Variants in WFDC1 observed in about 807,000 individuals in gnomAD.
WFDC1 encodes the protein WAP four-disulfide core domain protein 1.
WFDC1 carries 39 observed loss-of-function variants against 32.9 expected under a neutral mutation model. That is an observed-to-expected ratio of 1.19 (90% CI 0.92 to 1.55). WFDC1 has a LOEUF of 1.55. Ranked by LOEUF, WFDC1 falls within the 40% of genes most tolerant of loss-of-function variation. The probability of loss-of-function intolerance (pLI) is 0.00; values close to 1 mark genes in which losing one functional copy is unlikely to be tolerated. For missense variants in WFDC1, 386 were observed against 309.5 expected (o/e 1.25, Z -1.85); for synonymous variants, 184 against 137.4 (o/e 1.34, Z -2.37).
At chr16:84,319,608 C>A in intron 4 of WFDC1, 37 bp downstream of exon 4, 2 of 1,603,006 alleles carry the variant, frequency 1.2e-6, no homozygotes, top group Non-Finnish European at 1.7e-6. Context: ...CTGGCTCCTG[C>A]CCCAGTCCCC....
chr16:84,328,200 A>T (rs1030340991), intron 6 of WFDC1: 3 of 152,768 alleles, frequency 2.0e-5, no homozygotes, highest in African/African-American at 7.2e-5. Context: ...TTGGGGAGCC[A>T]AAGAAGGCCC....
chr16:84,296,115 G>A lies in WFDC1; in HGVS notation c.144+1000G>A, dbSNP rs566889892. Among the ~76,000 whole-genome samples the A allele has an allele frequency of 7.9e-5, 12 of 152,310 alleles. No individual in the cohort carries two copies. The South Asian group carries it at 2.5e-3, about 32-fold the overall frequency. On this transcript the variant is annotated intron_variant, in intron 1 of 6. Transcript: ENST00000219454. The stretch of plus-strand genomic sequence containing the variant: ...CCCCCAGAGATCACAGATCCGCAGG[G>A]ACGGAGTGAGCCAGGACGATATCAG...
intron 1 of WFDC1, among the ~76,000 whole-genome samples, chr16:84,305,591 G>T (rs1255389249): frequency 6.6e-6 from 1 of 152,208 alleles, no homozygotes; most frequent in African/African-American, 2.4e-5. Flanking sequence ...GAGATGGTGG[G>T]CGTTCACTAA....
chr16:84,297,324 A>G (rs1906655177), intron 1 of WFDC1, among the ~76,000 whole-genome samples: 1 of 152,168 alleles, frequency 6.6e-6, no homozygotes, highest in South Asian at 2.1e-4. Context: ...GTTTATGCAG[A>G]ACAACTGTGC....
intron 1 of WFDC1, among the ~76,000 whole-genome samples, chr16:84,297,194 C>T (rs1360347774): frequency 6.6e-6 from 1 of 152,136 alleles, no homozygotes; most frequent in African/African-American, 2.4e-5. Context: ...GGAGCTGATT[C>T]ACTTGTAGCC....
At chr16:84,308,412 C>T (rs1193869997) in intron 1 of WFDC1, among the ~76,000 whole-genome samples, 2 of 152,222 alleles carry the variant, frequency 1.3e-5, no homozygotes, top group African/African-American at 2.4e-5. Flanking sequence ...GGGACAGACA[C>T]AGCCTCTGCT....
intron 2 of WFDC1, chr16:84,317,560 G>A (rs1384721145): frequency 6.6e-6 from 1 of 151,928 alleles, no homozygotes; most frequent in Non-Finnish European, 1.5e-5. Flanking sequence ...AAACTGTGTG[G>A]GTGACTCTTT....
chr16:84,308,334 C>T (rs905713161), intron 1 of WFDC1, among the ~76,000 whole-genome samples: 2 of 152,194 alleles, frequency 1.3e-5, no homozygotes, highest in Non-Finnish European at 2.9e-5. Context: ...GCACTGGTGA[C>T]ACCGTGTGCA....
chr16:84,310,849 A>G (rs748412854), intron 1 of WFDC1, among the ~76,000 whole-genome samples: 5 of 152,252 alleles, frequency 3.3e-5, no homozygotes, highest in Admixed American at 1.3e-4. Context: ...GCTGTCTACT[A>G]TTCCAATTTG....
In WFDC1 at chr16:84,294,880, AC is replaced by A. The variant is rs1328720699; in HGVS notation, c.-91del. ...GGGTGGAACTAAGAAAGTCCAGCAGACTGTGCACGCTCCTGTCCCCACTCAC... is the reference window on the plus strand; with the variant it reads ...GGGTGGAACTAAGAAAGTCCAGCAGATGTGCACGCTCCTGTCCCCACTCAC... On this transcript the variant is annotated 5_prime_UTR_variant, in exon 1 of 7. In the 5' UTR this introduces an upstream ATG that the reference lacks. Transcript: ENST00000219454. The A allele has an allele frequency of 6.6e-7, 1 of 1,510,896 alleles. No individual in the cohort carries two copies. Among genetic ancestry groups the A allele is most frequent in the African/African-American group, 1.4e-5 (1 of 71,884 alleles). The allele number at this position is 1,510,896 out of a possible 1,614,324, so 93.6% of individuals were successfully genotyped here. A position where few individuals can be genotyped will look rare whatever the true frequency, so the allele number is the denominator to read the frequency against.
intron 3 of WFDC1, 148 bp downstream of exon 3, chr16:84,318,503 C>T (rs2151377970): frequency 1.3e-6 from 1 of 743,704 alleles, no homozygotes; most frequent in East Asian, 2.8e-5. Context: ...CCTCCCCACC[C>T]CAGCGAAGAA....
rs370329364 is a variant in WFDC1, at chr16:84,299,854, G to A, written c.144+4739G>A. On this transcript the variant is annotated intron_variant, in intron 1 of 6. Transcript: ENST00000219454. ...GAGGGGCTAGAGCAGCCAGGAGCTG[G>A]TGCCACTTTCTCTTTCAAATGCATC... 2.3e-3 allele frequency among the ~76,000 whole-genome samples: 348 copies of A among 152,316 alleles called. 4 individuals carry two copies. The highest frequency in any genetic ancestry group is 7.8e-3 in the African/African-American group (323 of 41,580).
In WFDC1 at chr16:84,309,702, C is replaced by T. The variant is rs558923385; in HGVS notation, c.145-3259C>T. On this transcript the variant is annotated intron_variant, in intron 1 of 6. Transcript: ENST00000219454. ...AAGGGGTCAGCAGAGCCGCGCCCCC[C>T]CAACTCCAGAGGTTCCTTCCTTGCC... is the stretch of plus-strand genomic sequence containing the variant. Among the ~76,000 whole-genome samples, 17 of 152,204 alleles carry T rather than the reference C, an allele frequency of 1.1e-4. No individual in the cohort carries two copies. In the East Asian group the frequency reaches 2.1e-3, roughly 19 times the overall value.
At chr16:84,303,809 A>G (rs571835889) in intron 1 of WFDC1, among the ~76,000 whole-genome samples, 17 of 152,304 alleles carry the variant, frequency 1.1e-4, no homozygotes, top group Non-Finnish European at 2.2e-4. Flanking sequence ...CCCTGCAGCC[A>G]TTAGCCGTCA....
At chr16:84,295,477 A>T (rs1597655249) in intron 1 of WFDC1, 2 of 404,798 alleles carry the variant, frequency 4.9e-6, no homozygotes, top group East Asian at 7.6e-5. Context: ...TGTTTGTGAA[A>T]TACACTTATG....
Position 84,329,323 on chromosome 16 carries a change from T to A in WFDC1, c.*17T>A, listed in dbSNP as rs1339413004. The stretch of plus-strand genomic sequence containing the variant: ...GATCCTTCTTTGCTTGCTTTCCAGC[T>A]AGGTTGCAAGAACATTCCTCTACTT... On this transcript the variant is annotated splice_region_variant and 3_prime_UTR_variant, in exon 7 of 7. Transcript: ENST00000219454. 6.7e-6 allele frequency: 1 copy of A among 149,270 alleles called. No homozygotes were observed. Among genetic ancestry groups the A allele is most frequent in the African/African-American group, 2.6e-5 (1 of 38,506 alleles). 9.2% of individuals were successfully genotyped at this position (149,270 alleles called of 1,614,324 possible).
intron 1 of WFDC1, among the ~76,000 whole-genome samples, chr16:84,302,178 G>A (rs1365976500): frequency 6.6e-6 from 1 of 152,148 alleles, no homozygotes; most frequent in Admixed American, 6.5e-5. Context: ...GGGACGGGAA[G>A]GAGATTCTTG....
At chr16:84,328,274 G>C (rs1334874051) in intron 6 of WFDC1, 1 of 152,336 alleles carries the variant, frequency 6.6e-6, no homozygotes, top group Non-Finnish European at 1.5e-5. Context: ...GTGAGGCACA[G>C]GCTTGCCCTC....
At chr16:84,307,723 G>A (rs1907348684) in intron 1 of WFDC1, among the ~76,000 whole-genome samples, 2 of 152,176 alleles carry the variant, frequency 1.3e-5, no homozygotes, top group African/African-American at 4.8e-5. Context: ...ACGACGTACG[G>A]TGTATTCTTA....
Sources: allele counts gnomAD v4.1 joint callset (sites outside exome capture counted in the v4.1 genomes callset), GRCh38; gene constraint gnomAD v4.1.1; transcripts MANE v1.5; gene names NCBI Gene and HGNC (gene_info 2026-07-23, HGNC 2026-07-21).